The following DLL1 variants were observed in gnomAD, a reference collection of about 807,000 sequenced individuals.
DLL1 encodes delta like canonical Notch ligand 1, also known as delta-like protein 1.
A neutral mutation model predicts 75.1 loss-of-function variants in DLL1; 9 were observed. The ratio of observed to expected loss-of-function variants is 0.12; its 90% CI spans 0.07 to 0.21. DLL1 has a LOEUF of 0.21. DLL1 is among the 10% of genes least tolerant of loss of function. The pLI is 1.00. For synonymous variants in DLL1, 477 were observed against 418.3 expected (o/e 1.14, Z -1.71); for missense variants, 837 against 1,007.6 (o/e 0.83, Z 2.29).
rs1459737987 is a variant in DLL1 at position 170,284,899 on chromosome 6, A to G, written c.1249+20T>C. 4.3e-6 allele frequency: 7 copies of G among 1,612,448 alleles called. No individual in the cohort carries two copies. Among genetic ancestry groups the G allele is most frequent in the Non-Finnish European group, 5.9e-6 (7 of 1,179,224 alleles). The stretch of plus-strand genomic sequence containing the variant: ...GACCGCTCGCCCGAGTCTCTGAGCA[A>G]TCACCAGCTGCCCCCTTACCATTAG... On this transcript the variant is annotated intron_variant, in intron 8 of 10. Transcript: ENST00000366756.
At chr6:170,287,631 G>T (rs766875542) in intron 4 of DLL1, among the ~76,000 whole-genome samples, 143 of 152,252 alleles carry the variant, frequency 9.4e-4, no homozygotes, top group Non-Finnish European at 1.7e-3. Flanking sequence ...GGTGCTGCCT[G>T]AGCATTCAAG....
intron 4 of DLL1, 21 bp from the exon 5 acceptor site, chr6:170,286,319 G>A (rs770004017): frequency 1.9e-6 from 3 of 1,614,158 alleles, no homozygotes; most frequent in Admixed American, 3.3e-5. Context: ...AGGAAAAACA[G>A]GGTCAAGCCC....
Position 170,285,151 on chromosome 6 carries a change from G to A in DLL1, c.1033-16C>T, listed in dbSNP as rs1465702169. The A allele has an allele frequency of 6.2e-7, 1 of 1,613,878 alleles. No homozygotes were observed. The highest frequency in any genetic ancestry group is 1.1e-5 in the South Asian group (1 of 91,080). ...TCTCGAGATCCTACACGATGGAGAGGTCAGAAAAGGCTTTCCAAAGTTGCT... is the reference window on the plus strand; with the variant it reads ...TCTCGAGATCCTACACGATGGAGAGATCAGAAAAGGCTTTCCAAAGTTGCT... On this transcript the variant is annotated splice_polypyrimidine_tract_variant and intron_variant, in intron 7 of 10. Coordinates refer to ENST00000366756, the MANE Select transcript of DLL1 (RefSeq NM_005618.4).
chr6:170,290,519 A>G lies in DLL1; in HGVS notation c.-380T>C. On this transcript the variant is annotated 5_prime_UTR_variant, in exon 1 of 11. Coordinates refer to ENST00000366756, the MANE Select transcript of DLL1 (RefSeq NM_005618.4). The surrounding 1 kb of genome is among the most constrained non-coding windows in gnomAD (Gnocchi z 4.7). ...GAGAGGGAGGGGGAGAAAGAGAAAG[A>G]GAGAGAGTCCAGAGATTGAGCTTAA... 3.8e-6 allele frequency: 1 copy of G among 265,986 alleles called. No individual in the cohort carries two copies. Among genetic ancestry groups the G allele is most frequent in the Non-Finnish European group, 7.0e-6 (1 of 143,162 alleles). The allele number at this position is 265,986 out of a possible 1,614,324, so 16.5% of individuals were successfully genotyped here.
Position 170,283,878 on chromosome 6 carries a change from G to A in DLL1, c.1401C>T (p.Cys467=). 1.2e-6 allele frequency: 2 copies of A among 1,606,756 alleles called. No homozygotes were observed. Among genetic ancestry groups the A allele is most frequent in the African/African-American group, 1.3e-5 (1 of 75,042 alleles). The change falls in exon 9 of 11, where the codon TGC becomes TGT. Residue 467 remains cysteine, a synonymous_variant. Coordinates refer to ENST00000366756, the MANE Select transcript of DLL1 (RefSeq NM_005618.4). The part of the protein sequence containing the change: ...TCRDGVNDFS[C]TCPPGYTGRN... ...TGCCCGTGTAGCCAGGCGGGCAGGTGCAGGAGAAGTCGTTCACGCCATCCC... is the reference window on the plus strand; with the variant it reads ...TGCCCGTGTAGCCAGGCGGGCAGGTACAGGAGAAGTCGTTCACGCCATCCC...
chr6:170,288,983 T>TA (rs748211201), intron 2 of DLL1, among the ~76,000 whole-genome samples, 194 bp from the exon 3 acceptor site: 6 of 152,158 alleles, frequency 3.9e-5, no homozygotes, highest in Non-Finnish European at 8.8e-5. Context: ...AAGAACTTTT[T>TA]AAAGAGTGGT....
intron 2 of DLL1, chr6:170,289,252 T>C: frequency 1.5e-6 from 1 of 684,648 alleles, no homozygotes; most frequent in South Asian, 1.5e-5. Context: ...AGAGGCCGGA[T>C]ACGGAAATCT....
intron 8 of DLL1, 78 bp from the exon 9 acceptor site, chr6:170,284,107 G>C: frequency 6.6e-7 from 1 of 1,510,728 alleles, no homozygotes; most frequent in Non-Finnish European, 8.9e-7. Context: ...GCATCTATCT[G>C]TCTGACACTG....
chr6:170,290,141 C>T lies in DLL1; in HGVS notation c.-2G>A, dbSNP rs751117021. ...GGCCAGCGCGCACCGACTGCCCATG[C>T]TGCTTCGCTCCACGCGCGAGCCTGG... On this transcript the variant is annotated 5_prime_UTR_variant, in exon 1 of 11. Coordinates refer to ENST00000366756, the MANE Select transcript of DLL1 (RefSeq NM_005618.4). This position sits in a 1 kb window ranked among gnomAD's most constrained non-coding sequence, Gnocchi z 4.7. The T allele has an allele frequency of 3.8e-6, 6 of 1,593,656 alleles. No homozygotes were observed. The highest frequency in any genetic ancestry group is 4.5e-5 in the East Asian group (2 of 44,454).
rs528747589 is a variant in DLL1, at chr6:170,287,981, CTA to C, written c.670+256_670+257del. On this transcript the variant is annotated intron_variant, in intron 4 of 10. Coordinates refer to ENST00000366756, the MANE Select transcript of DLL1 (RefSeq NM_005618.4). Reference sequence around the variant, plus strand: ...TACTTCCTGACCCCTGGCCCTGTCTCTAAAATCCTCCCTGATTAAGAAAGGCA... The same window carrying C: ...TACTTCCTGACCCCTGGCCCTGTCTCAAATCCTCCCTGATTAAGAAAGGCA... Among the ~76,000 whole-genome samples, 273 of 152,266 alleles carry C rather than the reference CTA, an allele frequency of 1.8e-3. 1 individual carries two copies. Among genetic ancestry groups the C allele is most frequent in the African/African-American group, 6.3e-3 (261 of 41,548 alleles).
rs1490686745 is a variant in DLL1 at position 170,282,618 on chromosome 6, A to C, written c.*256T>G. On this transcript the variant is annotated 3_prime_UTR_variant, in exon 11 of 11. Coordinates refer to ENST00000366756, the MANE Select transcript of DLL1 (RefSeq NM_005618.4). The stretch of plus-strand genomic sequence containing the variant: ...TGCGTAATTCAGTTCACCCATTTAA[A>C]TATATATTCTCTTAAGAGCAACTGT... The C allele has an allele frequency of 1.7e-6, 1 of 603,048 alleles. No homozygotes were observed. Among genetic ancestry groups the C allele is most frequent in the Non-Finnish European group, 2.9e-6 (1 of 339,188 alleles). The allele number at this position is 603,048 out of a possible 1,614,324, so 37.4% of individuals were successfully genotyped here.
intron 1 of DLL1, 108 bp downstream of exon 1, chr6:170,289,978 G>T: frequency 7.5e-7 from 1 of 1,333,582 alleles, no homozygotes; most frequent in Non-Finnish European, 9.6e-7. Flanking sequence ...CCGGGCCGTG[G>T]CTGGCGCGGC....
At chr6:170,289,221 C>T (rs1783786328) in intron 2 of DLL1, 2 of 665,202 alleles carry the variant, frequency 3.0e-6, no homozygotes, top group East Asian at 2.9e-5. Flanking sequence ...GAAGGGGCGC[C>T]TCTGACTGGA....
rs762743631 is a variant in DLL1 at position 170,283,597 on chromosome 6, C to G, written c.1682G>C (p.Gly561Ala). Residue 561 changes from glycine (G) to alanine (A), a missense_variant, in exon 9 of 11, where the codon GGC becomes GCC. Coordinates refer to ENST00000366756, the MANE Select transcript of DLL1 (RefSeq NM_005618.4). ...GVILVLMLLL[G>A]CAAVVVCVRL... Reference sequence around the variant, plus strand: ...GACGCAGACCACCACAGCGGCACAGCCCAGCAGCAGCATGAGGACAAGGAT... The same window carrying G: ...GACGCAGACCACCACAGCGGCACAGGCCAGCAGCAGCATGAGGACAAGGAT... The G allele has an allele frequency of 2.5e-6, 4 of 1,612,240 alleles. No individual in the cohort carries two copies. The East Asian group carries it at 8.9e-5, about 36-fold the overall frequency.
chr6:170,282,798 G>A lies in DLL1; in HGVS notation c.*76C>T, dbSNP rs1385726065. 6.2e-7 allele frequency: 1 copy of A among 1,609,182 alleles called. No individual in the cohort carries two copies. Among genetic ancestry groups the A allele is most frequent in the African/African-American group, 1.3e-5 (1 of 74,822 alleles). ...CACGAGGCCTCCCTCCTCTTCAGCA[G>A]CATTCGTTGGGGCATATATCCTTGG... On this transcript the variant is annotated 3_prime_UTR_variant, in exon 11 of 11. Transcript: ENST00000366756.
chr6:170,286,757 C>T (rs901698638), intron 4 of DLL1, among the ~76,000 whole-genome samples: 1 of 151,968 alleles, frequency 6.6e-6, no homozygotes, highest in African/African-American at 2.4e-5. Context: ...ATGCCGGCCT[C>T]CCCCGCGCCC....
rs373035310 is a variant in DLL1 at position 170,283,357 on chromosome 6, T to C, written c.1922A>G (p.Tyr641Cys). 10 of 1,612,490 alleles carry C rather than the reference T, an allele frequency of 6.2e-6. No homozygotes were observed. The African/African-American group carries it at 6.7e-5, about 11-fold the overall frequency. The part of the protein sequence containing the change: ...GFKARYPAVD[Y>C]NLVQDLKGDD... ...ACCCTTGAGGTCCTGCACGAGGTTA[T>C]AGTCCACCGCTGGGTAGCGGGCCTT... The change falls in exon 9 of 11, where the codon TAT becomes TGT. Residue 641 changes from tyrosine (Y) to cysteine (C), a missense_variant. Transcript: ENST00000366756.
chr6:170,289,975 G>A (rs2114967237), intron 1 of DLL1, 111 bp downstream of exon 1: 1 of 1,336,422 alleles, frequency 7.5e-7, no homozygotes, highest in Non-Finnish European at 9.6e-7. Context: ...CTTCCGGGCC[G>A]TGGCTGGCGC....
rs373713717 is a variant in DLL1 at position 170,285,438 on chromosome 6, G to A, written c.863-15C>T. The A allele has an allele frequency of 3.7e-6, 6 of 1,614,090 alleles. No homozygotes were observed. The highest frequency in any genetic ancestry group is 2.2e-5 in the South Asian group (2 of 91,096). ...GTAGTTCAGGTCTGTGAAGGGTGGG[G>A]ACAGGAAAAGTAGGAGATAGGAAGC... On this transcript the variant is annotated splice_polypyrimidine_tract_variant and intron_variant, in intron 6 of 10. Coordinates refer to ENST00000366756, the MANE Select transcript of DLL1 (RefSeq NM_005618.4).
Sources: gnomAD v4.1 joint callset for allele counts (sites outside exome capture counted in the v4.1 genomes callset) on GRCh38, gnomAD v4.1.1 for gene constraint, Gnocchi (gnomAD v3.1) non-coding constraint, MANE v1.5 for transcripts, NCBI Gene and HGNC (gene_info 2026-07-23, HGNC 2026-07-21) for gene names.